The following MAGI2 variants were observed in gnomAD, a reference collection of about 807,000 sequenced individuals.
MAGI2 encodes the protein membrane associated guanylate kinase, WW and PDZ domain containing 2.
Under a neutral mutation model 133.3 loss-of-function variants are expected in MAGI2, and 35 were observed. The observed-to-expected ratio is 0.26, with a 90% CI of 0.20 to 0.35. The LOEUF (loss-of-function observed/expected upper bound fraction) is 0.35, where lower values mean the gene tolerates loss of function less well. Ranked by LOEUF, MAGI2 falls within the 10% of genes least tolerant of loss-of-function variation. The pLI, the probability that MAGI2 is intolerant of heterozygous loss-of-function variation, is 1.00. For missense variants in MAGI2, 1,636 were observed against 1,863.4 expected, an observed-to-expected ratio of 0.88 and a Z score of 2.25; for synonymous variants, 729 against 710.6, an observed-to-expected ratio of 1.03 and a Z score of -0.41.
chr7:78,858,556 G>GCAAC (rs1793864111), intron 2 of MAGI2, among the ~76,000 whole-genome samples: 1 of 152,128 alleles, frequency 6.6e-6, no homozygotes, highest in Non-Finnish European at 1.5e-5. Flanking sequence ...ATGTAGTTGA[G>GCAAC]CGGTTTTGAG....
At chr7:78,351,296 T>C (rs1038759937) in intron 7 of MAGI2, among the ~76,000 whole-genome samples, 1 of 151,984 alleles carries the variant, frequency 6.6e-6, no homozygotes, top group Non-Finnish European at 1.5e-5. Context: ...TGCCTGAGCA[T>C]AGGAGTTTGA....
At chr7:79,300,639 A>G (rs2129559650) in intron 1 of MAGI2, among the ~76,000 whole-genome samples, 1 of 152,302 alleles carries the variant, frequency 6.6e-6, no homozygotes. Context: ...CAGAAAAAGT[A>G]AAAGCCTTTT....
intron 10 of MAGI2, among the ~76,000 whole-genome samples, chr7:78,240,656 T>C (rs1009136764): frequency 2.6e-5 from 4 of 151,872 alleles, no homozygotes; most frequent in Admixed American, 1.3e-4. Context: ...CTGGGAGGAG[T>C]TGGGGAGATG....
intron 1 of MAGI2, among the ~76,000 whole-genome samples, chr7:79,165,180 T>G (rs901194532): frequency 7.1e-6 from 1 of 139,872 alleles, no homozygotes; most frequent in East Asian, 2.0e-4. Flanking sequence ...TTGTTTTTTG[T>G]TTTTTTTTTT....
At chr7:78,632,485 G>A (rs1257638824) in intron 2 of MAGI2, among the ~76,000 whole-genome samples, 1 of 152,162 alleles carries the variant, frequency 6.6e-6, no homozygotes, top group Non-Finnish European at 1.5e-5. Context: ...GGAGACTGCT[G>A]GAAGTCAACA....
At chr7:78,118,376 C>T (rs1362010610) in intron 20 of MAGI2, among the ~76,000 whole-genome samples, 1 of 152,112 alleles carries the variant, frequency 6.6e-6, no homozygotes, top group African/African-American at 2.4e-5. Flanking sequence ...TTAAAAATTT[C>T]TGCTCTGCAA....
chr7:79,024,004 C>A (rs1809604379), intron 1 of MAGI2, among the ~76,000 whole-genome samples: 2 of 151,960 alleles, frequency 1.3e-5, no homozygotes, highest in South Asian at 4.2e-4. Flanking sequence ...CATATGGAAC[C>A]AAAAAGGATC....
At chr7:78,676,309 C>G (rs1201373051) in intron 2 of MAGI2, among the ~76,000 whole-genome samples, 3 of 152,124 alleles carry the variant, frequency 2.0e-5, no homozygotes, top group African/African-American at 7.2e-5. Context: ...AAGAAAAATA[C>G]CTCAGTGCTC....
intron 1 of MAGI2, among the ~76,000 whole-genome samples, chr7:79,200,498 C>G (rs1009342637): frequency 9.9e-5 from 15 of 150,894 alleles, no homozygotes; most frequent in Non-Finnish European, 1.9e-4. Flanking sequence ...GTTGTCCCAC[C>G]TACTTGGGGG....
At chr7:78,107,920 C>A (rs1363296336) in intron 20 of MAGI2, among the ~76,000 whole-genome samples, 1 of 134,370 alleles carries the variant, frequency 7.4e-6, no homozygotes, top group Non-Finnish European at 1.7e-5. Context: ...TTTCAAAAAA[C>A]CAAGCTTTCA....
At chr7:79,163,028 A>T (rs1283889617) in intron 1 of MAGI2, among the ~76,000 whole-genome samples, 2 of 152,068 alleles carry the variant, frequency 1.3e-5, no homozygotes, top group Non-Finnish European at 2.9e-5. Flanking sequence ...AAACAAAACA[A>T]AACAAAACAA....
chr7:78,919,038 T>C (rs1472699345), intron 2 of MAGI2, among the ~76,000 whole-genome samples: 2 of 152,130 alleles, frequency 1.3e-5, no homozygotes, highest in African/African-American at 4.8e-5. Flanking sequence ...AGAAACTTTG[T>C]TTGGATATAT....
chr7:79,257,690 G>A (rs1370596248), intron 1 of MAGI2, among the ~76,000 whole-genome samples: 1 of 152,158 alleles, frequency 6.6e-6, no homozygotes, highest in East Asian at 1.9e-4. Context: ...TTAAAGTACT[G>A]GGGACTGCTC....
chr7:78,203,746 G>T (rs6974667), intron 10 of MAGI2, among the ~76,000 whole-genome samples: 115,886 of 152,186 alleles, frequency 0.76, 44,195 homozygotes, highest in East Asian at 0.82. Flanking sequence ...CTATTTTTGT[G>T]TATCTGTCAA....
At chr7:78,616,315 A>G (rs1807081952) in intron 3 of MAGI2, 1 of 152,204 alleles carries the variant, frequency 6.6e-6, no homozygotes, top group African/African-American at 2.4e-5. Context: ...TATTGAAAGC[A>G]GAGAAATCAA....
At chr7:79,365,547 A>G (rs764422415) in intron 1 of MAGI2, among the ~76,000 whole-genome samples, 2 of 152,146 alleles carry the variant, frequency 1.3e-5, no homozygotes, top group African/African-American at 2.4e-5. Flanking sequence ...ACAAAGAGTA[A>G]CAAGCTATTT....
intron 2 of MAGI2, among the ~76,000 whole-genome samples, chr7:78,914,938 A>G (rs1181737515): frequency 1.3e-5 from 2 of 152,184 alleles, no homozygotes; most frequent in African/African-American, 2.4e-5. Flanking sequence ...CTTGGAAACT[A>G]TCAGAATAGC....
At chr7:78,701,744 A>C (rs1818096060) in intron 2 of MAGI2, among the ~76,000 whole-genome samples, 1 of 151,910 alleles carries the variant, frequency 6.6e-6, no homozygotes, top group African/African-American at 2.4e-5. Context: ...ATAAAATGTC[A>C]ATTTACAAAC....
chr7:78,084,018 A>C (rs1816343352), intron 20 of MAGI2, among the ~76,000 whole-genome samples: 1 of 152,222 alleles, frequency 6.6e-6, no homozygotes, highest in African/African-American at 2.4e-5. Flanking sequence ...TGGCAGTCCC[A>C]GCTCAAAGGG....
Sources: gnomAD v4.1 joint callset for allele counts (sites outside exome capture counted in the v4.1 genomes callset) on GRCh38, gnomAD v4.1.1 for gene constraint, MANE v1.5 for transcripts, NCBI Gene and HGNC (gene_info 2026-07-23, HGNC 2026-07-21) for gene names.